The following NTSR1 variants were observed in gnomAD, a reference collection of about 807,000 sequenced individuals.
The protein encoded by NTSR1 is neurotensin receptor type 1.
NTSR1 carries 29 observed loss-of-function variants against 31.2 expected under a neutral mutation model. The observed-to-expected ratio is 0.93, with a 90% CI of 0.69 to 1.27. NTSR1 has a LOEUF of 1.27. Ranked by LOEUF, NTSR1 falls within the 50% of genes most tolerant of loss-of-function variation. NTSR1 has a pLI of 0.00. For missense variants in NTSR1, 697 were observed against 595.4 expected (o/e 1.17, Z -1.78); for synonymous variants, 282 against 269.9 (o/e 1.04, Z -0.44).
chr20:62,714,969 C>T lies in NTSR1; in HGVS notation c.714+5048C>T, dbSNP rs369397793. Among the ~76,000 whole-genome samples, 1 of 152,214 alleles carries T rather than the reference C, an allele frequency of 6.6e-6. No homozygotes were observed. The highest frequency in any genetic ancestry group is 1.9e-4 in the East Asian group (1 of 5,188). On this transcript the variant is annotated intron_variant, in intron 1 of 3. Coordinates refer to ENST00000370501, the MANE Select transcript of NTSR1 (RefSeq NM_002531.3). The surrounding 1 kb of genome is among the most constrained non-coding windows in gnomAD (Gnocchi z 4.1). ...TTAGAGGTACATGCGGAAATGTTTA[C>T]AGACAAAATGATGCAATGTCTCAGA...
At chr20:62,716,492 C>T (rs1226283646) in intron 1 of NTSR1, among the ~76,000 whole-genome samples, 2 of 54,078 alleles carry the variant, frequency 3.7e-5, no homozygotes, top group Non-Finnish European at 9.2e-5. Flanking sequence ...TGGATCATAG[C>T]TCGTGGTTTC....
chr20:62,716,295 A>T (rs758126815), intron 1 of NTSR1, among the ~76,000 whole-genome samples: 8 of 151,968 alleles, frequency 5.3e-5, no homozygotes, highest in Admixed American at 3.3e-4. Context: ...CTTCTCTAAG[A>T]TGCAGGTTCT....
rs2147152157 is a variant in NTSR1, at chr20:62,761,832, C to A, written c.*1565C>A. 6.6e-6 allele frequency: 1 copy of A among 152,364 alleles called. No individual in the cohort carries two copies. The highest frequency in any genetic ancestry group is 1.5e-5 in the Non-Finnish European group (1 of 68,056). The allele number at this position is 152,364 out of a possible 1,614,324, so 9.4% of individuals were successfully genotyped here. ...GAGTTGACGGGTTCCTTGAACCCCA[C>A]AAAATCCCTCTCCAACCACAGGACC... On this transcript the variant is annotated 3_prime_UTR_variant, in exon 4 of 4. Coordinates refer to ENST00000370501, the MANE Select transcript of NTSR1 (RefSeq NM_002531.3).
In NTSR1 at chr20:62,714,763, G is replaced by A. The variant is rs895839929; in HGVS notation, c.714+4842G>A. Among the ~76,000 whole-genome samples, 8 of 152,202 alleles carry A rather than the reference G, an allele frequency of 5.3e-5. No homozygotes were observed. The highest frequency in any genetic ancestry group is 8.8e-5 in the Non-Finnish European group (6 of 68,038). On this transcript the variant is annotated intron_variant, in intron 1 of 3. Coordinates refer to ENST00000370501, the MANE Select transcript of NTSR1 (RefSeq NM_002531.3). This position sits in a 1 kb window ranked among gnomAD's most constrained non-coding sequence, Gnocchi z 4.1. ...CTGTTCTACAAACAGTGAGGGAATC[G>A]GAGACGGTGGCCTGGTTTCTTAGCA...
In NTSR1 at chr20:62,741,243, C is replaced by T. The variant is rs1056333442; in HGVS notation, c.715-13442C>T. Among the ~76,000 whole-genome samples the T allele has an allele frequency of 2.6e-5, 4 of 152,228 alleles. No homozygotes were observed. The highest frequency in any genetic ancestry group is 6.5e-5 in the Admixed American group (1 of 15,290). ...GCTGCTGCCAGTCCCGCAGCTCAGC[C>T]GGGCACAGACAGGATGTGGCTTCCA... On this transcript the variant is annotated intron_variant, in intron 1 of 3. Transcript: ENST00000370501. The surrounding 1 kb of genome is among the most constrained non-coding windows in gnomAD (Gnocchi z 4.3).
Position 62,743,340 on chromosome 20 carries a change from A to G in NTSR1, c.715-11345A>G, listed in dbSNP as rs968654103. On this transcript the variant is annotated intron_variant, in intron 1 of 3. Coordinates refer to ENST00000370501, the MANE Select transcript of NTSR1 (RefSeq NM_002531.3). This position sits in a 1 kb window ranked among gnomAD's most constrained non-coding sequence, Gnocchi z 7.5. ...ACAGGGTTTCTGAATTAACTCTGCC[A>G]TCGTTCCTGGCCTCAGCTGTGGTGG... Among the ~76,000 whole-genome samples the G allele has an allele frequency of 1.5e-5, 2 of 136,684 alleles. No homozygotes were observed. Among genetic ancestry groups the G allele is most frequent in the South Asian group, 2.3e-4 (1 of 4,404 alleles). The allele number at this position is 136,684 out of a possible 152,430, so 89.7% of individuals were successfully genotyped here.
At chr20:62,757,377 G>A (rs1048626673) in intron 2 of NTSR1, among the ~76,000 whole-genome samples, 2 of 152,214 alleles carry the variant, frequency 1.3e-5, no homozygotes, top group African/African-American at 4.8e-5. Flanking sequence ...ATAAAGGTAA[G>A]GGTTCGTTTC....
rs141486757 is a variant in NTSR1, at chr20:62,760,018, G to A, written c.1008G>A (p.Pro336=). 1.2e-6 allele frequency: 2 copies of A among 1,613,400 alleles called. No homozygotes were observed. Among genetic ancestry groups the A allele is most frequent in the East Asian group, 2.2e-5 (1 of 44,832 alleles). The part of the protein sequence containing the change: ...FCYISDEQWT[P]FLYDFYHYFY... The stretch of plus-strand genomic sequence containing the variant: ...TCTGAGCGCCTCTCTCTCCCCGCAG[G>A]TTCCTCTATGACTTCTACCACTACT... The change falls in exon 4 of 4, where the codon CCG becomes CCA. Residue 336 remains proline (P), a splice_region_variant and synonymous_variant. Transcript: ENST00000370501.
At chr20:62,724,622 C>G (rs1476103233) in intron 1 of NTSR1, among the ~76,000 whole-genome samples, 1 of 152,240 alleles carries the variant, frequency 6.6e-6, no homozygotes, top group Non-Finnish European at 1.5e-5. Context: ...AAATACCTTT[C>G]ATGCTTCTGC....
At position 62,711,870 on chromosome 20, in the gene NTSR1, C is replaced by T. The variant is rs958030342; in HGVS notation, c.714+1949C>T. On this transcript the variant is annotated intron_variant, in intron 1 of 3. Transcript: ENST00000370501. The surrounding 1 kb of genome is among the most constrained non-coding windows in gnomAD (Gnocchi z 6.4). ...AGATTTGGCCAAGTCACGCTACGGCCGGCCACAGGCACTCGTCCAATCGCA... is the reference window on the plus strand; with the variant it reads ...AGATTTGGCCAAGTCACGCTACGGCTGGCCACAGGCACTCGTCCAATCGCA... Among the ~76,000 whole-genome samples, 21 of 152,192 alleles carry T rather than the reference C, an allele frequency of 1.4e-4. No homozygotes were observed. The highest frequency in any genetic ancestry group is 2.9e-4 in the African/African-American group (12 of 41,450).
In NTSR1 at chr20:62,714,750, C is replaced by G. The variant is rs1988681040; in HGVS notation, c.714+4829C>G. 6.6e-6 allele frequency among the ~76,000 whole-genome samples: 1 copy of G among 152,210 alleles called. No individual in the cohort carries two copies. On this transcript the variant is annotated intron_variant, in intron 1 of 3. Transcript: ENST00000370501. This position sits in a 1 kb window ranked among gnomAD's most constrained non-coding sequence, Gnocchi z 4.1. ...TAAACAACTCGTTCTGTTCTACAAACAGTGAGGGAATCGGAGACGGTGGCC... is the reference window on the plus strand; with the variant it reads ...TAAACAACTCGTTCTGTTCTACAAAGAGTGAGGGAATCGGAGACGGTGGCC...
intron 1 of NTSR1, among the ~76,000 whole-genome samples, chr20:62,753,805 G>A (rs574713877): frequency 6.6e-6 from 1 of 152,368 alleles, no homozygotes; most frequent in South Asian, 2.1e-4. Context: ...TGGTTCTGCT[G>A]CTGCCAGTCC....
At chr20:62,710,204 A>G (rs1988580540) in intron 1 of NTSR1, among the ~76,000 whole-genome samples, 1 of 152,226 alleles carries the variant, frequency 6.6e-6, no homozygotes, top group Admixed American at 6.5e-5. Context: ...TAATGGAAAC[A>G]TGTGCGCTGG....
chr20:62,716,634 G>A (rs1226884213), intron 1 of NTSR1, among the ~76,000 whole-genome samples: 1 of 57,908 alleles, frequency 1.7e-5, no homozygotes, highest in Non-Finnish European at 4.2e-5. Context: ...CAGCAGCAGA[G>A]AGTGACCGAG....
At position 62,742,130 on chromosome 20, in the gene NTSR1, C is replaced by T. The variant is rs1011284325; in HGVS notation, c.715-12555C>T. ...TCTCTGATGGAGGCGTGGACGGGGT[C>T]GTGAGGGGCCAAGTACTAGCCAGAA... is the stretch of plus-strand genomic sequence containing the variant. On this transcript the variant is annotated intron_variant, in intron 1 of 3. Coordinates refer to ENST00000370501, the MANE Select transcript of NTSR1 (RefSeq NM_002531.3). The surrounding 1 kb of genome is among the most constrained non-coding windows in gnomAD (Gnocchi z 7.1). Among the ~76,000 whole-genome samples the T allele has an allele frequency of 5.4e-5, 8 of 149,528 alleles. 1 individual carries two copies. Among genetic ancestry groups the T allele is most frequent in the Admixed American group, 2.0e-4 (3 of 14,880 alleles).
Position 62,715,175 on chromosome 20 carries a change from C to T in NTSR1, c.714+5254C>T, listed in dbSNP as rs1000115134. ...TATATGTTGGAAATAAAGAATTTGGCGTATGAAATCACCGTTCAGATGGTG... is the reference window on the plus strand; with the variant it reads ...TATATGTTGGAAATAAAGAATTTGGTGTATGAAATCACCGTTCAGATGGTG... On this transcript the variant is annotated intron_variant, in intron 1 of 3. Coordinates refer to ENST00000370501, the MANE Select transcript of NTSR1 (RefSeq NM_002531.3). This position sits in a 1 kb window ranked among gnomAD's most constrained non-coding sequence, Gnocchi z 4.7. Among the ~76,000 whole-genome samples, 1 of 152,078 alleles carries T rather than the reference C, an allele frequency of 6.6e-6. No homozygotes were observed. The highest frequency in any genetic ancestry group is 2.4e-5 in the African/African-American group (1 of 41,390).
At position 62,761,841 on chromosome 20, in the gene NTSR1, T is replaced by C. The variant is rs1423614698; in HGVS notation, c.*1574T>C. The C allele has an allele frequency of 6.6e-6, 1 of 151,978 alleles. No individual in the cohort carries two copies. Among genetic ancestry groups the C allele is most frequent in the Non-Finnish European group, 1.5e-5 (1 of 68,000 alleles). 9.4% of individuals were successfully genotyped at this position (151,978 alleles called of 1,614,324 possible). A position where few individuals can be genotyped will look rare whatever the true frequency, so the allele number is the denominator to read the frequency against. ...GGTTCCTTGAACCCCACAAAATCCC[T>C]CTCCAACCACAGGACCCTTCGGCTC... On this transcript the variant is annotated 3_prime_UTR_variant, in exon 4 of 4. Transcript: ENST00000370501.
chr20:62,740,682 A>C (rs921952409), intron 1 of NTSR1, among the ~76,000 whole-genome samples: 1 of 152,232 alleles, frequency 6.6e-6, no homozygotes, highest in East Asian at 1.9e-4. Context: ...TCCCGCTCAG[A>C]TCCCCAGAGA....
intron 1 of NTSR1, among the ~76,000 whole-genome samples, chr20:62,725,693 G>A (rs754720615): frequency 6.6e-6 from 1 of 152,188 alleles, no homozygotes; most frequent in Non-Finnish European, 1.5e-5. Flanking sequence ...GGGAGGTTCA[G>A]GTGGGCACAG....
Sources: gnomAD v4.1 joint callset for allele counts (sites outside exome capture counted in the v4.1 genomes callset) on GRCh38, gnomAD v4.1.1 for gene constraint, Gnocchi (gnomAD v3.1) non-coding constraint, MANE v1.5 for transcripts, NCBI Gene and HGNC (gene_info 2026-07-23, HGNC 2026-07-21) for gene names.